Variants in LUZP2 observed in about 807,000 individuals in gnomAD.
The protein encoded by LUZP2 is leucine zipper protein 2.
Under a neutral mutation model 51.6 loss-of-function variants are expected in LUZP2, and 52 were observed. The observed-to-expected ratio is 1.01, with a 90% CI of 0.81 to 1.27. The LOEUF is 1.27. LUZP2 is among the 50% of genes most tolerant of loss of function. LUZP2 has a pLI of 0.00. For synonymous variants in LUZP2, 154 were observed against 137.3 expected, an observed-to-expected ratio of 1.12 and a Z score of -0.85; for missense variants, 436 against 395.4, an observed-to-expected ratio of 1.10 and a Z score of -0.87.
chr11:24,976,441 A>T, intron 7 of LUZP2, 150 bp from the exon 8 acceptor site: 1 of 479,818 alleles, frequency 2.1e-6, no homozygotes. Context: ...TAGTATTTTT[A>T]AACTGAATTC....
In LUZP2 at chr11:24,608,882, T is replaced by C. The variant is rs182456908; in HGVS notation, c.62+111577T>C. The stretch of plus-strand genomic sequence containing the variant: ...CAAACTTCTTTCAGATTTTCATTTT[T>C]CAAATATATATATACAGGAGTTCTC... On this transcript the variant is annotated intron_variant, in intron 1 of 11. Coordinates refer to ENST00000336930, the MANE Select transcript of LUZP2 (RefSeq NM_001009909.4). Among the ~76,000 whole-genome samples the C allele has an allele frequency of 2.7e-4, 41 of 151,656 alleles. No homozygotes were observed. The East Asian group carries it at 6.4e-3, about 24-fold the overall frequency.
At chr11:24,516,773 T>C (rs1000869730) in intron 1 of LUZP2, among the ~76,000 whole-genome samples, 1 of 151,824 alleles carries the variant, frequency 6.6e-6, no homozygotes, top group African/African-American at 2.4e-5. Context: ...AGAAGGCAAA[T>C]CTATAATTAG....
intron 1 of LUZP2, among the ~76,000 whole-genome samples, chr11:24,529,697 T>TC (rs1166381454): frequency 1.3e-5 from 2 of 150,832 alleles, no homozygotes; most frequent in Non-Finnish European, 3.0e-5. Flanking sequence ...TAGTGAAATT[T>TC]CCCCCCATTT....
chr11:24,764,834 A>C (rs989190321), intron 5 of LUZP2, among the ~76,000 whole-genome samples: 4 of 152,128 alleles, frequency 2.6e-5, no homozygotes, highest in Admixed American at 2.0e-4. Context: ...TACCAAATAA[A>C]TAAATAAACG....
chr11:24,559,135 A>G (rs966710941), intron 1 of LUZP2, among the ~76,000 whole-genome samples: 8 of 152,174 alleles, frequency 5.3e-5, no homozygotes, highest in East Asian at 1.9e-4. Context: ...AATGTATGGA[A>G]TTGAAATGTA....
At chr11:24,572,492 A>G (rs1852476421) in intron 1 of LUZP2, among the ~76,000 whole-genome samples, 1 of 152,034 alleles carries the variant, frequency 6.6e-6, no homozygotes, top group South Asian at 2.1e-4. Context: ...TAAATATAGT[A>G]CTACTCAAAG....
chr11:24,999,608 T>C (rs35872213), intron 9 of LUZP2, among the ~76,000 whole-genome samples: 58,844 of 151,750 alleles, frequency 0.39, 13,649 homozygotes, highest in East Asian at 0.68. Context: ...CCTCGTGATC[T>C]GCCCACCTCG....
intron 1 of LUZP2, among the ~76,000 whole-genome samples, chr11:24,613,595 G>C (rs537675526): frequency 6.6e-6 from 1 of 151,988 alleles, no homozygotes; most frequent in African/African-American, 2.4e-5. Context: ...AATTGGAAAA[G>C]TATGTGGGAG....
intron 1 of LUZP2, among the ~76,000 whole-genome samples, chr11:24,609,333 C>T (rs12226123): frequency 2.6e-5 from 4 of 152,142 alleles, no homozygotes; most frequent in Non-Finnish European, 5.9e-5. Context: ...AAGCAAAGAA[C>T]TCTGAAACTC....
intron 10 of LUZP2, among the ~76,000 whole-genome samples, chr11:25,072,196 G>A (rs1334628181): frequency 6.6e-6 from 1 of 152,050 alleles, no homozygotes; most frequent in Non-Finnish European, 1.5e-5. Context: ...GTTGCCACTG[G>A]ATGTGACCTG....
At chr11:24,633,787 A>G (rs1854974131) in intron 1 of LUZP2, among the ~76,000 whole-genome samples, 1 of 151,970 alleles carries the variant, frequency 6.6e-6, no homozygotes, top group African/African-American at 2.4e-5. Flanking sequence ...TTATATAGCA[A>G]CTGCATGAAT....
chr11:24,613,232 A>G (rs1854177924), intron 1 of LUZP2, among the ~76,000 whole-genome samples: 1 of 152,118 alleles, frequency 6.6e-6, no homozygotes, highest in Admixed American at 6.5e-5. Flanking sequence ...TATCTGACAT[A>G]GAGGTGATGC....
intron 9 of LUZP2, among the ~76,000 whole-genome samples, chr11:24,998,814 T>C (rs1474253754): frequency 6.6e-6 from 1 of 151,882 alleles, no homozygotes; most frequent in Admixed American, 6.6e-5. Context: ...CACCTTTCAT[T>C]TTTTTTTGTT....
intron 1 of LUZP2, among the ~76,000 whole-genome samples, chr11:24,674,052 T>C (rs1856474919): frequency 6.6e-6 from 1 of 152,204 alleles, no homozygotes; most frequent in East Asian, 1.9e-4. Context: ...AGCCACAGTT[T>C]ATAAGATAAT....
At chr11:24,964,898 A>G (rs185622641) in intron 7 of LUZP2, among the ~76,000 whole-genome samples, 132 of 152,090 alleles carry the variant, frequency 8.7e-4, no homozygotes, top group Non-Finnish European at 1.5e-3. Context: ...AATGCCTGAT[A>G]TTCATTTTCA....
In LUZP2 at chr11:24,544,552, T is replaced by C. The variant is rs189265515; in HGVS notation, c.62+47247T>C. Among the ~76,000 whole-genome samples, 693 of 152,198 alleles carry C rather than the reference T, an allele frequency of 4.6e-3. 1 individual carries two copies. Among genetic ancestry groups the C allele is most frequent in the Non-Finnish European group, 8.1e-3 (550 of 67,978 alleles). ...AGAATATGTGGAATTTGGTTTTCTA[T>C]TATATTAATTTGCTAAGGAAAATGG... On this transcript the variant is annotated intron_variant, in intron 1 of 11. Coordinates refer to ENST00000336930, the MANE Select transcript of LUZP2 (RefSeq NM_001009909.4).
At chr11:24,866,113 T>C (rs868210790) in intron 5 of LUZP2, among the ~76,000 whole-genome samples, 1 of 146,706 alleles carries the variant, frequency 6.8e-6, no homozygotes, top group Non-Finnish European at 1.5e-5. Context: ...CTGCATTTCA[T>C]ACACACACAC....
chr11:24,717,518 C>T (rs1858097589), intron 1 of LUZP2, among the ~76,000 whole-genome samples: 1 of 151,610 alleles, frequency 6.6e-6, no homozygotes, highest in Non-Finnish European at 1.5e-5. Flanking sequence ...CGCCATTCTC[C>T]TGCCTCAGCT....
intron 5 of LUZP2, among the ~76,000 whole-genome samples, chr11:24,876,213 G>GGGT (rs1267541978): frequency 1.4e-5 from 2 of 147,636 alleles, no homozygotes; most frequent in Non-Finnish European, 3.0e-5. Flanking sequence ...TTTTCTTCTA[G>GGGT]GGTTTTTATG....
Sources: gnomAD v4.1 joint callset for allele counts (sites outside exome capture counted in the v4.1 genomes callset) on GRCh38, gnomAD v4.1.1 for gene constraint, MANE v1.5 for transcripts, NCBI Gene and HGNC (gene_info 2026-07-23, HGNC 2026-07-21) for gene names.